AXDND1: variants seen among roughly 807,000 people sequenced by gnomAD.
AXDND1 encodes the protein axonemal dynein light chain domain containing 1.
A neutral mutation model predicts 137.5 loss-of-function variants in AXDND1; 110 were observed. The observed-to-expected ratio is 0.80, with a 90% CI of 0.69 to 0.94. AXDND1 has a LOEUF of 0.94. Among genes scored for constraint, AXDND1 ranks in the 40% least tolerant of loss-of-function variants. The pLI, the probability that AXDND1 is intolerant of heterozygous loss-of-function variation, is 0.00. For missense variants in AXDND1, 1,191 were observed against 1,169.8 expected (o/e 1.02, Z -0.26); for synonymous variants, 414 against 399.7 (o/e 1.04, Z -0.43).
chr1:179,518,343 A>T (rs1007820361), intron 21 of AXDND1, among the ~76,000 whole-genome samples: 3 of 151,650 alleles, frequency 2.0e-5, no homozygotes, highest in Non-Finnish European at 4.4e-5. Flanking sequence ...TCATTACCAC[A>T]ATATTTTAAT....
chr1:179,529,090 G>C (rs1354745411), intron 23 of AXDND1, among the ~76,000 whole-genome samples: 1 of 152,214 alleles, frequency 6.6e-6, no homozygotes, highest in Non-Finnish European at 1.5e-5. Flanking sequence ...CAAGAAAGCA[G>C]ATTTAAAATG....
chr1:179,387,999 A>G (rs1018129972), intron 9 of AXDND1, among the ~76,000 whole-genome samples: 1 of 152,074 alleles, frequency 6.6e-6, no homozygotes, highest in African/African-American at 2.4e-5. Flanking sequence ...AGCTGCTTTC[A>G]TCTCTCTAGA....
At chr1:179,506,577 C>A (rs1012584183) in intron 20 of AXDND1, among the ~76,000 whole-genome samples, 2 of 152,038 alleles carry the variant, frequency 1.3e-5, no homozygotes, top group Non-Finnish European at 2.9e-5. Flanking sequence ...ACTGAAAATT[C>A]AAAAATTAGC....
Position 179,430,434 on chromosome 1 carries a change from T to G in AXDND1, c.1333-18T>G, listed in dbSNP as rs1657198855. 1 of 1,577,906 alleles carries G rather than the reference T, an allele frequency of 6.3e-7. No homozygotes were observed. Among genetic ancestry groups the G allele is most frequent in the Non-Finnish European group, 8.6e-7 (1 of 1,162,650 alleles). ...TACATAAATGAATATATTATTTGAT[T>G]CTATGCATTTTATATAGGACACTGA... On this transcript the variant is annotated intron_variant, in intron 13 of 25. Transcript: ENST00000367618.
Position 179,383,546 on chromosome 1 carries a change from T to C in AXDND1, c.741+2T>C. On this transcript the variant is annotated splice_donor_variant, in intron 8 of 25. Transcript: ENST00000367618. LOFTEE classifies it high-confidence loss of function. The stretch of plus-strand genomic sequence containing the variant: ...CAGGAATATACAGGACCAACGAAGG[T>C]AATTGCAAAGCCGAATGCAACCTGG... 6.2e-7 allele frequency: 1 copy of C among 1,610,152 alleles called. No individual in the cohort carries two copies. The highest frequency in any genetic ancestry group is 2.2e-5 in the East Asian group (1 of 44,822).
At chr1:179,457,366 T>G in intron 16 of AXDND1, 1 of 472,168 alleles carries the variant, frequency 2.1e-6, no homozygotes, top group South Asian at 3.5e-5. Context: ...TTAATGATGC[T>G]TCTTCGGCGG....
At chr1:179,486,332 A>C (rs1666078747) in intron 18 of AXDND1, among the ~76,000 whole-genome samples, 1 of 152,164 alleles carries the variant, frequency 6.6e-6, no homozygotes, top group African/African-American at 2.4e-5. Context: ...AAATTATGTA[A>C]AAATATCAAA....
chr1:179,443,994 G>A (rs1013947747), intron 15 of AXDND1, among the ~76,000 whole-genome samples: 2 of 150,580 alleles, frequency 1.3e-5, no homozygotes, highest in Non-Finnish European at 2.9e-5. Flanking sequence ...AACTTGAACA[G>A]TATATTCTCA....
At chr1:179,467,338 T>C (rs1290702765) in intron 16 of AXDND1, among the ~76,000 whole-genome samples, 1 of 152,108 alleles carries the variant, frequency 6.6e-6, no homozygotes, top group African/African-American at 2.4e-5. Context: ...GCAATACTTA[T>C]CCATGTCAGC....
rs998752586 is a variant in AXDND1 at position 179,408,383 on chromosome 1, C to CT, written c.1110-2751dup. On this transcript the variant is annotated intron_variant, in intron 11 of 25. Transcript: ENST00000367618. ...TTTTTTTCCAATTTTATGAAAAATT[C>CT]TTTTTTTTTTTTGAGACAAAATCTC... Among the ~76,000 whole-genome samples the CT allele has an allele frequency of 3.7e-3, 542 of 144,542 alleles. 4 individuals are homozygous for CT. The highest frequency in any genetic ancestry group is 0.011 in the African/African-American group (448 of 39,648). 94.8% of individuals were successfully genotyped at this position (144,542 alleles called of 152,430 possible).
At chr1:179,432,571 A>C (rs548244161) in intron 15 of AXDND1, among the ~76,000 whole-genome samples, 3 of 152,214 alleles carry the variant, frequency 2.0e-5, no homozygotes, top group African/African-American at 7.2e-5. Flanking sequence ...GATTACAGGC[A>C]TGTGCCACCA....
At chr1:179,415,779 G>A (rs190053320) in intron 12 of AXDND1, among the ~76,000 whole-genome samples, 136 of 151,324 alleles carry the variant, frequency 9.0e-4, no homozygotes, top group Admixed American at 2.7e-3. Context: ...ATCTCTGCTC[G>A]CTGCAACCTC....
At chr1:179,437,359 T>G (rs2125335681) in intron 15 of AXDND1, among the ~76,000 whole-genome samples, 1 of 152,296 alleles carries the variant, frequency 6.6e-6, no homozygotes. Flanking sequence ...CTTGCGAGAC[T>G]GCATCCTTTG....
intron 15 of AXDND1, among the ~76,000 whole-genome samples, chr1:179,442,039 G>A (rs890851883): frequency 3.9e-5 from 6 of 152,194 alleles, no homozygotes; most frequent in South Asian, 2.1e-4. Flanking sequence ...AAACTCTAGT[G>A]GAGTGTGTTC....
chr1:179,442,986 C>T (rs541606206), intron 15 of AXDND1, among the ~76,000 whole-genome samples: 10 of 152,156 alleles, frequency 6.6e-5, no homozygotes, highest in South Asian at 2.1e-4. Context: ...AAAGAGATAG[C>T]GAGAAAGGGG....
At chr1:179,542,070 T>C (rs1672223139) in intron 25 of AXDND1, among the ~76,000 whole-genome samples, 1 of 152,256 alleles carries the variant, frequency 6.6e-6, no homozygotes. Flanking sequence ...TAGGAAGTTT[T>C]ATCTTTATTT....
chr1:179,514,039 A>AT (rs1004299778), intron 21 of AXDND1, among the ~76,000 whole-genome samples: 11 of 150,638 alleles, frequency 7.3e-5, no homozygotes, highest in East Asian at 3.9e-4. Flanking sequence ...TATCTTTTGT[A>AT]TTTTTTTTGT....
At chr1:179,477,638 G>A (rs1027063638) in intron 17 of AXDND1, among the ~76,000 whole-genome samples, 14 of 152,256 alleles carry the variant, frequency 9.2e-5, no homozygotes, top group African/African-American at 3.1e-4. Flanking sequence ...TACAATTTAA[G>A]ATAAGATTTG....
intron 21 of AXDND1, among the ~76,000 whole-genome samples, chr1:179,515,869 T>C (rs958794284): frequency 8.5e-5 from 13 of 152,220 alleles, no homozygotes; most frequent in African/African-American, 2.9e-4. Context: ...GCAGATAAGA[T>C]AGCAGTCCCA....
Sources: gnomAD v4.1 joint callset for allele counts (sites outside exome capture counted in the v4.1 genomes callset) on GRCh38, gnomAD v4.1.1 for gene constraint, MANE v1.5 for transcripts, NCBI Gene and HGNC (gene_info 2026-07-23, HGNC 2026-07-21) for gene names.